Variants in COA1 observed in about 807,000 individuals in gnomAD.
COA1 encodes cytochrome c oxidase assembly factor 1 homolog.
A neutral mutation model predicts 16.0 loss-of-function variants in COA1; 13 were observed. The ratio of observed to expected loss-of-function variants is 0.81; its 90% CI spans 0.53 to 1.29. The LOEUF (loss-of-function observed/expected upper bound fraction) is 1.29. Ranked by LOEUF, COA1 falls within the 50% of genes most tolerant of loss-of-function variation. COA1 has a pLI of 0.00. For synonymous variants in COA1, 65 were observed against 65.7 expected (o/e 0.99, Z 0.05); for missense variants, 179 against 177.0 (o/e 1.01, Z -0.06).
intron 4 of COA1, among the ~76,000 whole-genome samples, chr7:43,644,629 C>T (rs1375237372): frequency 2.0e-5 from 3 of 151,722 alleles, no homozygotes; most frequent in African/African-American, 4.9e-5. Flanking sequence ...TGGGTTCAAG[C>T]GATCCTCCTG....
At chr7:43,661,120 T>C (rs2092378258) in intron 1 of COA1, among the ~76,000 whole-genome samples, 1 of 152,234 alleles carries the variant, frequency 6.6e-6, no homozygotes, top group African/African-American at 2.4e-5. Context: ...GCAAACTTAA[T>C]TTTCTTTCAC....
intron 1 of COA1, among the ~76,000 whole-genome samples, chr7:43,707,977 G>C (rs1382484525): frequency 6.6e-6 from 1 of 152,184 alleles, no homozygotes; most frequent in East Asian, 1.9e-4. Context: ...CCTTGGGCAT[G>C]GTGGCTCATG....
At chr7:43,686,147 C>G (rs183642887) in intron 1 of COA1, among the ~76,000 whole-genome samples, 31 of 152,322 alleles carry the variant, frequency 2.0e-4, no homozygotes, top group African/African-American at 7.2e-4. Context: ...TATTTGAAGA[C>G]TTCCAGTCAA....
At chr7:43,728,799 CA>C (rs2095674823) in intron 1 of COA1, among the ~76,000 whole-genome samples, 1 of 152,176 alleles carries the variant, frequency 6.6e-6, no homozygotes, top group South Asian at 2.1e-4. Flanking sequence ...GGGGAGGAAT[CA>C]GGGGAAGACC....
chr7:43,625,118 G>A (rs1032495258), intron 6 of COA1: 1 of 283,504 alleles, frequency 3.5e-6, no homozygotes, highest in African/African-American at 2.2e-5. Flanking sequence ...TCCAGAATGA[G>A]AATTTGTGTA....
intron 6 of COA1, chr7:43,626,219 C>G (rs1336706317): frequency 6.6e-6 from 1 of 152,246 alleles, no homozygotes; most frequent in Non-Finnish European, 1.5e-5. Flanking sequence ...ACACAAAGCT[C>G]TCTCCCTAAC....
intron 1 of COA1, among the ~76,000 whole-genome samples, chr7:43,700,669 C>A (rs1329503140): frequency 6.6e-6 from 1 of 151,100 alleles, no homozygotes; most frequent in Non-Finnish European, 1.5e-5. Context: ...CTCACACTAA[C>A]CTTTCTGCAT....
In COA1 at chr7:43,709,434, T is replaced by TTTTGTG. The variant is rs367934295; in HGVS notation, c.-39+19994_-39+19995insCACAAA. On this transcript the variant is annotated intron_variant, in intron 1 of 5. Coordinates refer to ENST00000223336, the MANE Select transcript of COA1 (RefSeq NM_018224.4). ...ACAGGTCTTGATTCACTTTGTTTTA[T>TTTTGTG]TGTGTGTGTGTGTGTGTGTGTGTGT... Among the ~76,000 whole-genome samples the TTTTGTG allele has an allele frequency of 7.6e-5, 11 of 144,990 alleles. No homozygotes were observed. The East Asian group carries it at 1.8e-3, about 24-fold the overall frequency.
At chr7:43,678,835 C>T (rs2097967) in intron 1 of COA1, among the ~76,000 whole-genome samples, 125,784 of 152,172 alleles carry the variant, frequency 0.83, 52,422 homozygotes, top group African/African-American at 0.94. Flanking sequence ...TGTGGAGAAA[C>T]TGTAACCATT....
Position 43,647,562 on chromosome 7 carries a change from A to G in COA1, c.88T>C (p.Phe30Leu). 1.2e-6 allele frequency: 2 copies of G among 1,614,050 alleles called. No individual in the cohort carries two copies. Among genetic ancestry groups the G allele is most frequent in the South Asian group, 2.2e-5 (2 of 91,088 alleles). Reference sequence around the variant, plus strand: ...TGAATGAGGTAATACACAATGGCAAAGCCCCCGGCATAGAACACACCGTGG... The same window carrying G: ...TGAATGAGGTAATACACAATGGCAAGGCCCCCGGCATAGAACACACCGTGG... ...LFHGVFYAGG[F>L]AIVYYLIQKF... Residue 30 changes from phenylalanine to leucine, a missense_variant, in exon 3 of 6, where the codon TTT (phenylalanine) becomes CTT (leucine). Phe to Leu is a conservative substitution (Grantham distance 22). Transcript: ENST00000223336.
chr7:43,639,755 G>A lies in COA1; in HGVS notation c.342-74C>T, dbSNP rs185442597. 345 of 1,147,372 alleles carry A rather than the reference G, an allele frequency of 3.0e-4. 4 individuals carry two copies. The highest frequency in any genetic ancestry group is 2.4e-3 in the Admixed American group (122 of 50,064). 71.1% of individuals were successfully genotyped at this position (1,147,372 alleles called of 1,614,324 possible). A position where few individuals can be genotyped will look rare whatever the true frequency, so the allele number is the denominator to read the frequency against. On this transcript the variant is annotated intron_variant, in intron 5 of 5. Coordinates refer to ENST00000223336, the MANE Select transcript of COA1 (RefSeq NM_018224.4). ...AACAGCCGTAGTCAAAAAAAGGGGC[G>A]CGGAAAGCAGTTGTTTTGAATAATG...
intron 1 of COA1, among the ~76,000 whole-genome samples, chr7:43,725,520 T>C (rs1379796605): frequency 2.0e-5 from 3 of 152,214 alleles, no homozygotes; most frequent in African/African-American, 7.2e-5. Flanking sequence ...GAAGCTATTG[T>C]ATATCACTTT....
chr7:43,645,265 T>C lies in COA1; in HGVS notation c.250A>G (p.Ile84Val). The C allele has an allele frequency of 6.2e-7, 1 of 1,613,998 alleles. No individual in the cohort carries two copies. ...AAGCACATTACCTTGGCATCAACAA[T>C]GTCCACGAAGTTTTCCCTGTCGATG... is the stretch of plus-strand genomic sequence containing the variant. ...KLIDRENFVD[I>V]VDAKLKIPVS... The change falls in exon 4 of 6, where the codon ATT (isoleucine) becomes GTT (valine). Residue 84 changes from isoleucine (I) to valine (V), a missense_variant. Coordinates refer to ENST00000223336, the MANE Select transcript of COA1 (RefSeq NM_018224.4).
intron 6 of COA1, among the ~76,000 whole-genome samples, chr7:43,616,765 C>T (rs943844410): frequency 4.6e-5 from 7 of 151,742 alleles, no homozygotes; most frequent in African/African-American, 1.7e-4. Flanking sequence ...GGCGTGGTGG[C>T]GGGCTCCTGT....
intron 1 of COA1, among the ~76,000 whole-genome samples, chr7:43,655,467 A>G (rs1470849243): frequency 6.6e-6 from 1 of 152,200 alleles, no homozygotes; most frequent in Admixed American, 6.5e-5. Context: ...CCTGGCCAAC[A>G]TGGTGAAACC....
chr7:43,702,789 C>G (rs1019589037), intron 1 of COA1, among the ~76,000 whole-genome samples: 13 of 152,076 alleles, frequency 8.5e-5, no homozygotes, highest in African/African-American at 3.1e-4. Context: ...CTTATTTATT[C>G]TTTCAAAGAA....
chr7:43,655,128 C>T (rs1251682860), intron 1 of COA1, among the ~76,000 whole-genome samples: 1 of 152,098 alleles, frequency 6.6e-6, no homozygotes, highest in East Asian at 1.9e-4. Flanking sequence ...ATAAAATGAA[C>T]AGAAACATCT....
intron 6 of COA1, among the ~76,000 whole-genome samples, chr7:43,610,346 C>CAAAAAA (rs138859141): frequency 7.3e-5 from 3 of 41,322 alleles, no homozygotes; most frequent in African/African-American, 2.2e-4. Context: ...GACTCCGTCT[C>CAAAAAA]AAAAAAAAAA....
At chr7:43,720,415 C>T (rs116947348) in intron 1 of COA1, among the ~76,000 whole-genome samples, 1,821 of 152,164 alleles carry the variant, frequency 0.012, 23 homozygotes, top group Non-Finnish European at 0.018. Context: ...AGGATAAAAT[C>T]AACATGGTCC....
Sources: gnomAD v4.1 joint callset for allele counts (sites outside exome capture counted in the v4.1 genomes callset) on GRCh38, gnomAD v4.1.1 for gene constraint, MANE v1.5 for transcripts, NCBI Gene and HGNC (gene_info 2026-07-23, HGNC 2026-07-21) for gene names.